Variants in GPR158 observed in about 807,000 individuals in gnomAD.
GPR158 encodes metabotropic glycine receptor.
Under a neutral mutation model 78.2 loss-of-function variants are expected in GPR158, and 30 were observed. The observed-to-expected ratio is 0.38, with a 90% CI of 0.29 to 0.52. The LOEUF is 0.52. Ranked by LOEUF, GPR158 falls within the 20% of genes least tolerant of loss-of-function variation. GPR158 has a pLI of 0.83. For missense variants in GPR158, 1,463 were observed against 1,523.5 expected (o/e 0.96, Z 0.66); for synonymous variants, 581 against 591.1 (o/e 0.98, Z 0.25).
intron 5 of GPR158, among the ~76,000 whole-genome samples, chr10:25,514,846 A>G (rs150130408): frequency 1.9e-3 from 295 of 152,262 alleles, no homozygotes; most frequent in African/African-American, 7.0e-3. Context: ...TGGGACCCCA[A>G]TCTTTTCTAG....
intron 5 of GPR158, among the ~76,000 whole-genome samples, chr10:25,503,435 G>A (rs568784614): frequency 2.6e-5 from 4 of 152,122 alleles, no homozygotes; most frequent in Non-Finnish European, 5.9e-5. Context: ...AGTATCTGTG[G>A]ACATATTGCC....
At chr10:25,348,928 G>GAACTCT (rs1855415995) in intron 2 of GPR158, among the ~76,000 whole-genome samples, 2 of 152,092 alleles carry the variant, frequency 1.3e-5, no homozygotes, top group Middle Eastern at 3.4e-3. Flanking sequence ...CAAACCACCT[G>GAACTCT]AACTCTGATG....
chr10:25,212,325 G>A (rs1443874837), intron 1 of GPR158, among the ~76,000 whole-genome samples: 1 of 152,112 alleles, frequency 6.6e-6, no homozygotes, highest in Non-Finnish European at 1.5e-5. Context: ...CATGGGAGGA[G>A]CGAAGCGGGG....
At chr10:25,438,008 G>A (rs1436872190) in intron 4 of GPR158, among the ~76,000 whole-genome samples, 1 of 152,184 alleles carries the variant, frequency 6.6e-6, no homozygotes, top group Non-Finnish European at 1.5e-5. Flanking sequence ...ACGGGAATAG[G>A]GTCCTGAGTG....
At chr10:25,345,166 T>G (rs749641192) in intron 2 of GPR158, among the ~76,000 whole-genome samples, 4 of 151,970 alleles carry the variant, frequency 2.6e-5, no homozygotes, top group Non-Finnish European at 5.9e-5. Flanking sequence ...TAGCAGAACA[T>G]CTAATCCGTT....
At chr10:25,558,651 C>T (rs909299269) in intron 6 of GPR158, among the ~76,000 whole-genome samples, 14 of 152,180 alleles carry the variant, frequency 9.2e-5, no homozygotes, top group Non-Finnish European at 5.9e-5. Flanking sequence ...TCTGGTGCCC[C>T]TCACCCAGCA....
chr10:25,232,317 C>A (rs1370486462), intron 2 of GPR158, among the ~76,000 whole-genome samples: 3 of 152,076 alleles, frequency 2.0e-5, no homozygotes, highest in Non-Finnish European at 4.4e-5. Flanking sequence ...ATTATGACAG[C>A]AAATCAGATC....
At position 25,431,977 on chromosome 10, in the gene GPR158, A is replaced by G. The variant is rs1311812956; in HGVS notation, c.1335+19504A>G. On this transcript the variant is annotated intron_variant, in intron 4 of 10. Coordinates refer to ENST00000376351, the MANE Select transcript of GPR158 (RefSeq NM_020752.3). ...TGTAACTAACCTGCACATTGTGCAC[A>G]TGTACCCTAAAACTTAAAGTATAAT... 2.8e-5 allele frequency among the ~76,000 whole-genome samples: 4 copies of G among 144,092 alleles called. No individual in the cohort carries two copies. In the East Asian group the frequency reaches 5.9e-4, roughly 21 times the overall value. 94.5% of individuals were successfully genotyped at this position (144,092 alleles called of 152,430 possible).
At chr10:25,215,307 G>T (rs1320804634) in intron 1 of GPR158, among the ~76,000 whole-genome samples, 1 of 152,174 alleles carries the variant, frequency 6.6e-6, no homozygotes, top group Admixed American at 6.5e-5. Context: ...GAGGAACCTA[G>T]AGTAGTTAAA....
chr10:25,199,762 G>C (rs1852896387), intron 1 of GPR158, among the ~76,000 whole-genome samples: 1 of 152,122 alleles, frequency 6.6e-6, no homozygotes, highest in Admixed American at 6.6e-5. Flanking sequence ...AGTTTCCTGA[G>C]GCCGCCTCAG....
At chr10:25,537,754 T>C (rs1038659754) in intron 5 of GPR158, among the ~76,000 whole-genome samples, 12 of 152,180 alleles carry the variant, frequency 7.9e-5, no homozygotes, top group South Asian at 4.1e-4. Flanking sequence ...GATTTCCCCC[T>C]TGCCATTCTC....
At chr10:25,505,280 A>C (rs1003271459) in intron 5 of GPR158, among the ~76,000 whole-genome samples, 1 of 152,204 alleles carries the variant, frequency 6.6e-6, no homozygotes, top group East Asian at 1.9e-4. Context: ...CCAAGAGTCT[A>C]TGCTGCTCTG....
chr10:25,255,098 T>C (rs1193565405), intron 2 of GPR158, among the ~76,000 whole-genome samples: 1 of 152,232 alleles, frequency 6.6e-6, no homozygotes, highest in Non-Finnish European at 1.5e-5. Flanking sequence ...ATGATTTATA[T>C]TGATTCCCTC....
At chr10:25,569,444 CA>C (rs920806309) in intron 6 of GPR158, among the ~76,000 whole-genome samples, 6 of 151,786 alleles carry the variant, frequency 4.0e-5, no homozygotes, top group African/African-American at 1.2e-4. Flanking sequence ...ACTCAAGTAT[CA>C]AAAAAAATAT....
At chr10:25,462,453 G>A (rs536892591) in intron 4 of GPR158, among the ~76,000 whole-genome samples, 72 of 152,302 alleles carry the variant, frequency 4.7e-4, no homozygotes, top group African/African-American at 1.6e-3. Context: ...GGATTAAGGA[G>A]TTAGACTTTC....
In GPR158 at chr10:25,395,623, G is replaced by A. The variant is rs574004548; in HGVS notation, c.1009-288G>A. Among the ~76,000 whole-genome samples the A allele has an allele frequency of 2.6e-5, 4 of 152,198 alleles. 1 individual carries two copies. Among genetic ancestry groups the A allele is most frequent in the African/African-American group, 9.6e-5 (4 of 41,520 alleles). On this transcript the variant is annotated intron_variant, in intron 2 of 10. Coordinates refer to ENST00000376351, the MANE Select transcript of GPR158 (RefSeq NM_020752.3). ...TTAAAGCAATAAGATGATATGTGAG[G>A]CATTAAAAAGAAAAACTATGTCTAG...
chr10:25,441,313 G>A (rs1245991583), intron 4 of GPR158, among the ~76,000 whole-genome samples: 3 of 152,186 alleles, frequency 2.0e-5, no homozygotes, highest in Admixed American at 6.5e-5. Flanking sequence ...TTAGCAAAAC[G>A]TGTACTGGCC....
intron 6 of GPR158, among the ~76,000 whole-genome samples, chr10:25,566,160 T>C (rs1836926739): frequency 6.6e-6 from 1 of 152,106 alleles, no homozygotes; most frequent in Non-Finnish European, 1.5e-5. Flanking sequence ...ATTGGGAGCA[T>C]AGATAAGTTC....
chr10:25,447,004 G>A (rs770625651), intron 4 of GPR158, among the ~76,000 whole-genome samples: 3 of 152,074 alleles, frequency 2.0e-5, no homozygotes, highest in Admixed American at 6.5e-5. Context: ...TCTGAGGCCA[G>A]GAAAAAGTGA....
Sources: gnomAD v4.1 joint callset for allele counts (sites outside exome capture counted in the v4.1 genomes callset) on GRCh38, gnomAD v4.1.1 for gene constraint, MANE v1.5 for transcripts, NCBI Gene and HGNC (gene_info 2026-07-23, HGNC 2026-07-21) for gene names.